The following PLXNA4 variants were observed in gnomAD, a reference collection of about 807,000 sequenced individuals.
The protein encoded by PLXNA4 is plexin-A4.
Under a neutral mutation model 191.8 loss-of-function variants are expected in PLXNA4, and 44 were observed. The observed-to-expected ratio is 0.23, with a 90% CI of 0.18 to 0.29. The LOEUF (loss-of-function observed/expected upper bound fraction) is 0.29. Among genes scored for constraint, PLXNA4 ranks in the 10% least tolerant of loss-of-function variants. The probability of loss-of-function intolerance (pLI) is 1.00; values close to 1 mark genes in which losing one functional copy is unlikely to be tolerated. For synonymous variants in PLXNA4, 1,082 were observed against 1,009.5 expected, an observed-to-expected ratio of 1.07 and a Z score of -1.36; for missense variants, 1,800 against 2,488.8, an observed-to-expected ratio of 0.72 and a Z score of 5.89.
intron 3 of PLXNA4, among the ~76,000 whole-genome samples, chr7:132,447,840 AT>A (rs2117283568): frequency 6.9e-6 from 1 of 145,556 alleles, no homozygotes; most frequent in South Asian, 2.2e-4. Flanking sequence ...AAAAAAAAAG[AT>A]TAAAACACTT....
intron 1 of PLXNA4, among the ~76,000 whole-genome samples, chr7:132,516,796 A>G (rs1283166921): frequency 6.6e-6 from 1 of 151,854 alleles, no homozygotes; most frequent in African/African-American, 2.4e-5. Context: ...TGTCTCTACT[A>G]AAAAACAATT....
chr7:132,321,994 A>G (rs1186522740), intron 3 of PLXNA4, among the ~76,000 whole-genome samples: 1 of 152,182 alleles, frequency 6.6e-6, no homozygotes, highest in Non-Finnish European at 1.5e-5. Flanking sequence ...AATTGGGCAC[A>G]ATTATAGTAG....
intron 3 of PLXNA4, among the ~76,000 whole-genome samples, chr7:132,428,058 G>A (rs1452547954): frequency 1.3e-5 from 2 of 152,180 alleles, no homozygotes; most frequent in Non-Finnish European, 2.9e-5. Flanking sequence ...CACAGACAGG[G>A]AAACCAAGGG....
chr7:132,605,215 G>A (rs142484407), intron 2 of PLXNA4, among the ~76,000 whole-genome samples: 4 of 152,194 alleles, frequency 2.6e-5, no homozygotes, highest in Admixed American at 6.5e-5. Context: ...GTTAGGAAAC[G>A]GCAGAGCTAA....
intron 4 of PLXNA4, among the ~76,000 whole-genome samples, chr7:132,242,129 G>T (rs559493655): frequency 6.7e-6 from 1 of 150,094 alleles, no homozygotes; most frequent in Admixed American, 6.6e-5. Flanking sequence ...CCGTTTTGCC[G>T]GTTTTTTTCT....
rs1446816615 is a variant in PLXNA4, at chr7:132,140,510, C to T, written c.5438+89G>A. 6.6e-6 allele frequency: 10 copies of T among 1,525,472 alleles called. No individual in the cohort carries two copies. In the East Asian group the frequency reaches 2.1e-4, roughly 32 times the overall value. The allele number at this position is 1,525,472 out of a possible 1,614,324, so 94.5% of individuals were successfully genotyped here. On this transcript the variant is annotated intron_variant, in intron 30 of 31. Transcript: ENST00000321063. ...GTGAATGACTCATCTGGAAACACAGCTGGTTTTTGATGGGGAGGGGACCTT... is the reference window on the plus strand; with the variant it reads ...GTGAATGACTCATCTGGAAACACAGTTGGTTTTTGATGGGGAGGGGACCTT...
chr7:132,620,927 G>T (rs1261203072), intron 2 of PLXNA4, among the ~76,000 whole-genome samples: 3 of 152,110 alleles, frequency 2.0e-5, no homozygotes, highest in East Asian at 1.9e-4. Flanking sequence ...TCCAGTAAAG[G>T]CCTGCTTCTT....
intron 3 of PLXNA4, among the ~76,000 whole-genome samples, chr7:132,486,619 C>A (rs75857709): frequency 6.6e-6 from 1 of 152,234 alleles, no homozygotes; most frequent in Admixed American, 6.5e-5. Flanking sequence ...CTCATTCCCC[C>A]CAACTGACCC....
intron 2 of PLXNA4, among the ~76,000 whole-genome samples, chr7:132,498,071 G>C (rs1183855143): frequency 1.3e-5 from 2 of 152,160 alleles, no homozygotes; most frequent in Non-Finnish European, 2.9e-5. Flanking sequence ...CATGGTTTCA[G>C]TTACCGCAGC....
At chr7:132,449,829 CA>C (rs1481659192) in intron 3 of PLXNA4, among the ~76,000 whole-genome samples, 1 of 152,258 alleles carries the variant, frequency 6.6e-6, no homozygotes, top group Non-Finnish European at 1.5e-5. Flanking sequence ...CCTAATCTGG[CA>C]ATGGGTGTTC....
intron 3 of PLXNA4, among the ~76,000 whole-genome samples, chr7:132,306,150 T>C (rs1053997110): frequency 6.6e-6 from 1 of 152,130 alleles, no homozygotes; most frequent in African/African-American, 2.4e-5. Context: ...GTGGAGGGGC[T>C]TGTGCGGAGG....
chr7:132,397,646 C>A (rs1249911194), intron 3 of PLXNA4, among the ~76,000 whole-genome samples: 1 of 152,226 alleles, frequency 6.6e-6, no homozygotes, highest in Non-Finnish European at 1.5e-5. Flanking sequence ...AGCTCCTAGA[C>A]TGTCAAATGC....
At chr7:132,195,767 T>C (rs1399895416) in intron 13 of PLXNA4, among the ~76,000 whole-genome samples, 1 of 152,240 alleles carries the variant, frequency 6.6e-6, no homozygotes, top group African/African-American at 2.4e-5. Flanking sequence ...TGCTGATAGA[T>C]TGTCTGAATT....
At chr7:132,488,473 A>C (rs976434425) in intron 3 of PLXNA4, among the ~76,000 whole-genome samples, 3 of 152,226 alleles carry the variant, frequency 2.0e-5, no homozygotes, top group African/African-American at 7.2e-5. Flanking sequence ...TCCACATGGA[A>C]TCATCAATAT....
Position 132,273,537 on chromosome 7 carries a change from C to G in PLXNA4, c.1503+24554G>C, listed in dbSNP as rs1036412922. Among the ~76,000 whole-genome samples the G allele has an allele frequency of 5.3e-5, 8 of 152,264 alleles. No individual in the cohort carries two copies. In the South Asian group the frequency reaches 1.0e-3, roughly 20 times the overall value. On this transcript the variant is annotated intron_variant, in intron 4 of 31. Coordinates refer to ENST00000321063, the MANE Select transcript of PLXNA4 (RefSeq NM_020911.2). Reference sequence around the variant, plus strand: ...ATATTGATGAACAGCAAGATCCTCACTTAGTTATCTGCTGGGGTAGTATTA... The same window carrying G: ...ATATTGATGAACAGCAAGATCCTCAGTTAGTTATCTGCTGGGGTAGTATTA...
chr7:132,325,998 C>T (rs1175853336), intron 3 of PLXNA4, among the ~76,000 whole-genome samples: 2 of 152,156 alleles, frequency 1.3e-5, no homozygotes, highest in Non-Finnish European at 2.9e-5. Context: ...GCAGGGTGCC[C>T]AGACAGCTGG....
intron 3 of PLXNA4, among the ~76,000 whole-genome samples, chr7:132,442,939 G>A (rs758131385): frequency 5.0e-4 from 76 of 152,204 alleles, no homozygotes; most frequent in Admixed American, 2.4e-3. Context: ...GATGGCACCA[G>A]TAGGGTCCTA....
At chr7:132,550,369 C>A (rs1029168788) in intron 1 of PLXNA4, among the ~76,000 whole-genome samples, 1 of 152,124 alleles carries the variant, frequency 6.6e-6, no homozygotes, top group Non-Finnish European at 1.5e-5. Flanking sequence ...CCTTTATTAC[C>A]CTTGATCCAT....
chr7:132,322,839 C>A (rs553837214), intron 3 of PLXNA4, among the ~76,000 whole-genome samples: 1 of 152,308 alleles, frequency 6.6e-6, no homozygotes, highest in African/African-American at 2.4e-5. Context: ...TGTCACAAAA[C>A]CAGGTTTGGA....
Sources: gnomAD v4.1 joint callset for allele counts (sites outside exome capture counted in the v4.1 genomes callset) on GRCh38, gnomAD v4.1.1 for gene constraint, MANE v1.5 for transcripts, NCBI Gene and HGNC (gene_info 2026-07-23, HGNC 2026-07-21) for gene names.